SRPK1: variants seen among roughly 807,000 people sequenced by gnomAD.
SRPK1 encodes the protein SRSF protein kinase 1.
A neutral mutation model predicts 89.5 loss-of-function variants in SRPK1; 52 were observed. The observed-to-expected ratio is 0.58, with a 90% CI of 0.46 to 0.73. The LOEUF is 0.73. Among genes scored for constraint, SRPK1 ranks in the 30% least tolerant of loss-of-function variants. The probability of loss-of-function intolerance (pLI) is 0.00; values close to 1 mark genes in which losing one functional copy is unlikely to be tolerated. For synonymous variants in SRPK1, 255 were observed against 270.2 expected, an observed-to-expected ratio of 0.94 and a Z score of 0.55; for missense variants, 603 against 780.6, an observed-to-expected ratio of 0.77 and a Z score of 2.71.
intron 2 of SRPK1, among the ~76,000 whole-genome samples, chr6:35,908,829 G>T (rs1770901729): frequency 6.6e-6 from 1 of 152,226 alleles, no homozygotes; most frequent in Non-Finnish European, 1.5e-5. Flanking sequence ...AGGGGCTAAG[G>T]TACAGCTTGG....
chr6:35,888,845 A>T lies in SRPK1; in HGVS notation c.272T>A (p.Phe91Tyr). The change falls in exon 4 of 16, where the codon TTT becomes TAT. Residue 91 changes from phenylalanine to tyrosine, a missense_variant. Coordinates refer to ENST00000373825, the MANE Select transcript of SRPK1 (RefSeq NM_003137.5). ...HVIRKLGWGHFSTVWLSWDIQ... is the reference protein window; with the variant it reads ...HVIRKLGWGHYSTVWLSWDIQ... ...ATCCCATGATAACCATACTGTTGAAAAGTGTCCCCAGCCTAACTTTCGGAT... is the reference window on the plus strand; with the variant it reads ...ATCCCATGATAACCATACTGTTGAATAGTGTCCCCAGCCTAACTTTCGGAT... 1 of 1,612,752 alleles carries T rather than the reference A, an allele frequency of 6.2e-7. No individual in the cohort carries two copies. Among genetic ancestry groups the T allele is most frequent in the Non-Finnish European group, 8.5e-7 (1 of 1,178,914 alleles).
In SRPK1 at chr6:35,869,680, T is replaced by C. The variant is rs1769988544; in HGVS notation, c.1213A>G (p.Ser405Gly). 1.2e-6 allele frequency: 2 copies of C among 1,613,912 alleles called. No individual in the cohort carries two copies. The highest frequency in any genetic ancestry group is 1.7e-6 in the Non-Finnish European group (2 of 1,179,866). Residue 405 changes from serine to glycine, a missense_variant, in exon 11 of 16, where the codon AGC becomes GGC. Transcript: ENST00000373825. ...SSFLSSQNGD[S>G]STSQETDSCT... ...GAGTCTGTTTCTTGAGATGTGCTGC[T>C]GTCTCCATTTTGGGAGCTTAGGAAA...
chr6:35,891,045 T>C, intron 2 of SRPK1, 32 bp from the exon 3 acceptor site: 1 of 1,536,454 alleles, frequency 6.5e-7, no homozygotes. Flanking sequence ...CCCATTCCAT[T>C]TGGACAGAAG....
chr6:35,844,299 G>A (rs1403589274), intron 13 of SRPK1, among the ~76,000 whole-genome samples: 1 of 152,066 alleles, frequency 6.6e-6, no homozygotes, highest in Non-Finnish European at 1.5e-5. Context: ...CACCACGCCT[G>A]GCCAACAGCA....
chr6:35,920,865 G>C, intron 1 of SRPK1, 179 bp downstream of exon 1: 1 of 620,850 alleles, frequency 1.6e-6, no homozygotes, highest in South Asian at 2.5e-5. Context: ...AGGACGCCCG[G>C]ACTGAGGGGC....
chr6:35,894,633 C>G (rs572904300), intron 2 of SRPK1, among the ~76,000 whole-genome samples: 1 of 152,092 alleles, frequency 6.6e-6, no homozygotes, highest in East Asian at 1.9e-4. Context: ...CTAAAGGCTT[C>G]TAGGTAAAAA....
At chr6:35,904,280 T>C (rs1320390735) in intron 2 of SRPK1, among the ~76,000 whole-genome samples, 1 of 152,192 alleles carries the variant, frequency 6.6e-6, no homozygotes, top group East Asian at 1.9e-4. Flanking sequence ...TCACAGCTGA[T>C]CTTTGTTGGT....
rs1012220431 is a variant in SRPK1, at chr6:35,883,954, C to T, written c.478+2770G>A. Reference sequence around the variant, plus strand: ...TTCACCGTGTTAGCCAAGATGGTCTCGGTCTCCTGACCTCGTGATCCGCCC... The same window carrying T: ...TTCACCGTGTTAGCCAAGATGGTCTTGGTCTCCTGACCTCGTGATCCGCCC... On this transcript the variant is annotated intron_variant, in intron 6 of 15. Coordinates refer to ENST00000373825, the MANE Select transcript of SRPK1 (RefSeq NM_003137.5). 2.6e-5 allele frequency among the ~76,000 whole-genome samples: 4 copies of T among 151,920 alleles called. 1 individual carries two copies. Among genetic ancestry groups the T allele is most frequent in the Non-Finnish European group, 1.5e-5 (1 of 67,992 alleles).
chr6:35,883,024 G>T (rs1770328373), intron 6 of SRPK1, among the ~76,000 whole-genome samples: 1 of 152,174 alleles, frequency 6.6e-6, no homozygotes, highest in African/African-American at 2.4e-5. Flanking sequence ...GGCCAGTCTG[G>T]TCTTGAACTC....
At chr6:35,841,324 T>C (rs916774316) in intron 14 of SRPK1, among the ~76,000 whole-genome samples, 5 of 152,208 alleles carry the variant, frequency 3.3e-5, no homozygotes, top group South Asian at 2.1e-4. Context: ...TAGCAGGTCC[T>C]ACTAACATTA....
chr6:35,845,662 G>C (rs372867448), intron 13 of SRPK1, among the ~76,000 whole-genome samples: 1 of 152,214 alleles, frequency 6.6e-6, no homozygotes, highest in East Asian at 1.9e-4. Flanking sequence ...TAAGCAATAT[G>C]GTTGTGTGTG....
At chr6:35,848,617 C>T (rs9462131) in intron 13 of SRPK1, among the ~76,000 whole-genome samples, 47,872 of 151,974 alleles carry the variant, frequency 0.32, 7,776 homozygotes, top group South Asian at 0.42. Flanking sequence ...TACAAAGCTA[C>T]AGTAATTAAA....
chr6:35,870,668 T>A (rs111861022), intron 9 of SRPK1, among the ~76,000 whole-genome samples, 174 bp from the exon 10 acceptor site: 1 of 152,160 alleles, frequency 6.6e-6, no homozygotes, highest in African/African-American at 2.4e-5. Flanking sequence ...TAAACCCAAA[T>A]AAAAACAGAA....
At chr6:35,873,413 G>T (rs1453501929) in intron 7 of SRPK1, among the ~76,000 whole-genome samples, 1 of 152,072 alleles carries the variant, frequency 6.6e-6, no homozygotes, top group African/African-American at 2.4e-5. Context: ...GGGGAAAATG[G>T]TTATGCTAAA....
intron 6 of SRPK1, among the ~76,000 whole-genome samples, chr6:35,881,840 GAACA>G (rs1770297642): frequency 1.3e-5 from 2 of 152,084 alleles, no homozygotes; most frequent in East Asian, 3.9e-4. Context: ...ATAATGTATA[GAACA>G]AGCAGACAGA....
intron 13 of SRPK1, among the ~76,000 whole-genome samples, chr6:35,843,453 T>C (rs1451269489): frequency 6.6e-6 from 1 of 152,124 alleles, no homozygotes; most frequent in Admixed American, 6.5e-5. Context: ...TCCTGATTCC[T>C]AGGTCCTTTG....
chr6:35,908,639 A>C (rs1770898216), intron 2 of SRPK1, among the ~76,000 whole-genome samples: 1 of 152,258 alleles, frequency 6.6e-6, no homozygotes, highest in Non-Finnish European at 1.5e-5. Context: ...CAAAGAATAA[A>C]AGTTTGGGAA....
intron 13 of SRPK1, among the ~76,000 whole-genome samples, chr6:35,854,904 C>G (rs1259451813): frequency 6.6e-6 from 1 of 152,152 alleles, no homozygotes. Context: ...ATAAGCAAAG[C>G]TTTAAAGTGT....
chr6:35,914,892 G>A (rs893565899), intron 2 of SRPK1, among the ~76,000 whole-genome samples: 4 of 151,956 alleles, frequency 2.6e-5, no homozygotes, highest in Middle Eastern at 3.4e-3. Flanking sequence ...TCCACCTCCC[G>A]GGTTCAAGCG....
Sources: allele counts gnomAD v4.1 joint callset (sites outside exome capture counted in the v4.1 genomes callset), GRCh38; gene constraint gnomAD v4.1.1; transcripts MANE v1.5; gene names NCBI Gene and HGNC (gene_info 2026-07-23, HGNC 2026-07-21).